Variants in MCM3AP observed in about 807,000 individuals in gnomAD.
MCM3AP encodes germinal-center associated nuclear protein.
A neutral mutation model predicts 184.1 loss-of-function variants in MCM3AP; 126 were observed. The observed-to-expected ratio is 0.68, with a 90% CI of 0.59 to 0.79. The LOEUF (loss-of-function observed/expected upper bound fraction) is 0.79, where lower values mean the gene tolerates loss of function less well. Ranked by LOEUF, MCM3AP falls within the 30% of genes least tolerant of loss-of-function variation. MCM3AP has a pLI of 0.00. For synonymous variants in MCM3AP, 1,002 were observed against 979.3 expected, an observed-to-expected ratio of 1.02 and a Z score of -0.43; for missense variants, 2,496 against 2,479.2, an observed-to-expected ratio of 1.01 and a Z score of -0.14.
chr21:46,269,926 G>T (rs533743342), intron 9 of MCM3AP, among the ~76,000 whole-genome samples: 2 of 152,298 alleles, frequency 1.3e-5, no homozygotes, highest in South Asian at 4.1e-4. Context: ...GCAAACCCCA[G>T]GGGAGGGACT....
chr21:46,272,440 C>G, intron 8 of MCM3AP, 121 bp downstream of exon 8: 1 of 1,080,640 alleles, frequency 9.3e-7, no homozygotes, highest in Non-Finnish European at 1.3e-6. Context: ...ACTATCATCC[C>G]AACATCTGCT....
At chr21:46,254,197 T>C (rs1010601654) in intron 19 of MCM3AP, 195 bp downstream of exon 19, 5 of 630,684 alleles carry the variant, frequency 7.9e-6, no homozygotes, top group African/African-American at 1.8e-5. Context: ...GTTTATGGAA[T>C]AAAAATTGAA....
chr21:46,246,491 C>A, intron 21 of MCM3AP, 87 bp from the exon 22 acceptor site: 1 of 1,398,258 alleles, frequency 7.2e-7, no homozygotes, highest in South Asian at 1.2e-5. Flanking sequence ...CCCACCCAGT[C>A]CTGCAGTGGA....
rs774044196 is a variant in MCM3AP, at chr21:46,260,782, G to A, written c.3581+11C>T. ...TCTCCTGGCACAGCAAGACACCAGC[G>A]TTTCACTTACTTCAACTCCTGGGAG... On this transcript the variant is annotated intron_variant, in intron 15 of 27. Transcript: ENST00000291688. 4.4e-6 allele frequency: 7 copies of A among 1,592,814 alleles called. 1 individual carries two copies. Among genetic ancestry groups the A allele is most frequent in the Non-Finnish European group, 3.4e-6 (4 of 1,160,644 alleles).
intron 26 of MCM3AP, among the ~76,000 whole-genome samples, chr21:46,238,154 A>G (rs1415523615): frequency 8.4e-6 from 1 of 118,634 alleles, no homozygotes; most frequent in Non-Finnish European, 1.8e-5. Flanking sequence ...TATAAATCCA[A>G]TTCCAATTTA....
chr21:46,240,701 ACCTGCCCTTCTCCAT>A, intron 26 of MCM3AP, 95 bp downstream of exon 26: 2 of 942,550 alleles, frequency 2.1e-6, no homozygotes, highest in Non-Finnish European at 3.2e-6. Context: ...CTAATAATCC[ACCTGCCCTTCTCCAT>A]CCTGGCTGTC....
rs1350872631 is a variant in MCM3AP at position 46,284,404 on chromosome 21, C to G, written c.883G>C (p.Glu295Gln). 1.9e-6 allele frequency: 3 copies of G among 1,614,182 alleles called. No homozygotes were observed. The highest frequency in any genetic ancestry group is 2.5e-6 in the Non-Finnish European group (3 of 1,180,036). ...PSLMKGLKRK[E>Q]DQDRSPRRHG... is the part of the protein sequence containing the mutation. ...CTCCTTGGGGAGCGATCCTGGTCCT[C>G]CTTCCTTTTCAGTCCTTTCATTAGG... The change falls in exon 1 of 28, where the codon GAG (glutamate) becomes CAG (glutamine). Residue 295 changes from glutamate to glutamine, a missense_variant. By Grantham distance (29) the Glu-to-Gln change is conservative. This residue lies in a region of MCM3AP where 800 missense variants were observed against 717.1 expected (regional missense o/e 1.12). Coordinates refer to ENST00000291688, the MANE Select transcript of MCM3AP (RefSeq NM_003906.5).
chr21:46,265,379 T>C lies in MCM3AP; in HGVS notation c.3176A>G (p.Gln1059Arg). Residue 1059 changes from glutamine (Q) to arginine (R), a missense_variant, in exon 12 of 28, where the codon CAG becomes CGG. Physicochemically the swap from Gln to Arg is conservative, Grantham distance 43. This residue lies in a region of MCM3AP where 1,323 missense variants were observed against 1,273.4 expected (regional missense o/e 1.04). Coordinates refer to ENST00000291688, the MANE Select transcript of MCM3AP (RefSeq NM_003906.5). ...LTPSVAPSLFQLSVQPEPPPP... is the reference protein window; with the variant it reads ...LTPSVAPSLFRLSVQPEPPPP... ...CGGTGGTTCAGGCTGCACAGACAGC[T>C]GGAAGAGGCTGGGCGCCACAGACGG... is the stretch of plus-strand genomic sequence containing the variant. 1 of 1,613,976 alleles carries C rather than the reference T, an allele frequency of 6.2e-7. No individual in the cohort carries two copies. Among genetic ancestry groups the C allele is most frequent in the Middle Eastern group, 1.6e-4 (1 of 6,062 alleles).
chr21:46,275,692 C>T (rs1241306211), intron 5 of MCM3AP, among the ~76,000 whole-genome samples: 1 of 152,080 alleles, frequency 6.6e-6, no homozygotes, highest in Non-Finnish European at 1.5e-5. Flanking sequence ...CTGTAATGAC[C>T]TCAATGACAA....
At chr21:46,262,053 C>T (rs557943790) in intron 13 of MCM3AP, among the ~76,000 whole-genome samples, 2 of 152,298 alleles carry the variant, frequency 1.3e-5, no homozygotes, top group African/African-American at 4.8e-5. Flanking sequence ...GCAACCTGTA[C>T]TTGTTTGGCT....
chr21:46,273,636 G>A (rs1407540581), intron 6 of MCM3AP, 51 bp from the exon 7 acceptor site: 2 of 1,481,600 alleles, frequency 1.3e-6, no homozygotes, highest in Non-Finnish European at 1.9e-6. Context: ...CCTTGGGCCA[G>A]GCATAGTTAT....
chr21:46,236,780 C>T (rs2080534631), intron 27 of MCM3AP, 49 bp downstream of exon 27: 1 of 1,305,990 alleles, frequency 7.7e-7, no homozygotes, highest in African/African-American at 1.5e-5. Context: ...CAGCCATTCT[C>T]TCAATCTTTA....
chr21:46,274,507 CAT>C (rs2081230203), intron 6 of MCM3AP, among the ~76,000 whole-genome samples: 1 of 152,230 alleles, frequency 6.6e-6, no homozygotes, highest in South Asian at 2.1e-4. Context: ...TTTAAATGCT[CAT>C]AGTTTACCCT....
At chr21:46,273,766 G>A (rs749810844) in intron 6 of MCM3AP, among the ~76,000 whole-genome samples, 181 bp from the exon 7 acceptor site, 2 of 152,182 alleles carry the variant, frequency 1.3e-5, no homozygotes, top group African/African-American at 2.4e-5. Context: ...GACAAATAGA[G>A]AAATTTGATT....
chr21:46,262,174 CAAAG>C (rs368522737), intron 13 of MCM3AP, among the ~76,000 whole-genome samples: 31 of 152,222 alleles, frequency 2.0e-4, no homozygotes, highest in Middle Eastern at 3.4e-3. Flanking sequence ...GACTTCCAAA[CAAAG>C]AAAGGTATGA....
rs2081354913 is a variant in MCM3AP at position 46,283,152 on chromosome 21, C to T, written c.1443+463G>A. ...GTGTTAGCCAGGATGGTCTGGATCT[C>T]CTGACCTCATGATCCGCCCACCTTG... On this transcript the variant is annotated intron_variant, in intron 2 of 27. Coordinates refer to ENST00000291688, the MANE Select transcript of MCM3AP (RefSeq NM_003906.5). Among the ~76,000 whole-genome samples the T allele has an allele frequency of 2.0e-5, 3 of 152,120 alleles. No homozygotes were observed. The East Asian group carries it at 5.8e-4, about 30-fold the overall frequency.
chr21:46,240,770 G>T, intron 26 of MCM3AP, 41 bp downstream of exon 26: 1 of 1,570,484 alleles, frequency 6.4e-7, no homozygotes. Flanking sequence ...ACAGCATAAA[G>T]CAGACTAAAC....
intron 22 of MCM3AP, among the ~76,000 whole-genome samples, chr21:46,245,667 A>AT (rs17176856): frequency 0.073 from 11,080 of 151,670 alleles, 622 homozygotes; most frequent in African/African-American, 0.15. Flanking sequence ...CCCCTGCCCT[A>AT]TTTTTTTTGT....
intron 16 of MCM3AP, among the ~76,000 whole-genome samples, chr21:46,257,282 C>T (rs2080968852): frequency 6.6e-6 from 1 of 151,002 alleles, no homozygotes; most frequent in Non-Finnish European, 1.5e-5. Flanking sequence ...CAAGACCAGC[C>T]TGCGCAACAC....
Sources: allele counts gnomAD v4.1 joint callset (sites outside exome capture counted in the v4.1 genomes callset), GRCh38; gene constraint gnomAD v4.1.1; regional missense constraint gnomAD v4.1.1; transcripts MANE v1.5; gene names NCBI Gene and HGNC (gene_info 2026-07-23, HGNC 2026-07-21).